The following EIF3C variants were observed in gnomAD, a reference collection of about 807,000 sequenced individuals.
EIF3C encodes cell migration-inducing protein 17.
A neutral mutation model predicts 11.1 loss-of-function variants in EIF3C; 2 were observed. That is an observed-to-expected ratio of 0.18 (90% CI 0.07 to 0.57). The LOEUF (loss-of-function observed/expected upper bound fraction) is 0.57, where lower values mean the gene tolerates loss of function less well. Ranked by LOEUF, EIF3C falls within the 20% of genes least tolerant of loss-of-function variation. EIF3C has a pLI of 0.92. For missense variants in EIF3C, 16 were observed against 114.6 expected, an observed-to-expected ratio of 0.14 and a Z score of 3.93; for synonymous variants, 2 against 41.5, an observed-to-expected ratio of 0.05 and a Z score of 3.66.
At chr16:28,692,582 A>C in intron 1 of EIF3C, among the ~76,000 whole-genome samples, 1 of 135,778 alleles carries the variant, frequency 7.4e-6, no homozygotes, top group Non-Finnish European at 1.6e-5. Context: ...ACATGGTGAA[A>C]CCCCGTCTCT....
chr16:28,697,896 G>C (rs1376334012), intron 1 of EIF3C, among the ~76,000 whole-genome samples: 2,435 of 45,044 alleles, frequency 0.054, 4 homozygotes, highest in South Asian at 0.11. Flanking sequence ...CCTCCCGGAC[G>C]GGGCGGCTGG....
intron 1 of EIF3C, among the ~76,000 whole-genome samples, chr16:28,699,991 C>T (rs866294759): frequency 0.1 from 3,471 of 33,922 alleles, 70 homozygotes; most frequent in African/African-American, 0.41. Flanking sequence ...CTCTACCTGG[C>T]GGACCAGCCT....
chr16:28,729,833 G>C (rs541688666), intron 15 of EIF3C, among the ~76,000 whole-genome samples: 5 of 149,414 alleles, frequency 3.3e-5, no homozygotes, highest in African/African-American at 1.2e-4. Context: ...AGTGGTGCAC[G>C]CCTGTAGTCC....
At position 28,689,334 on chromosome 16, in the gene EIF3C, C is replaced by T. The variant is rs1422692662; in HGVS notation, c.-31+506C>T. Among the ~76,000 whole-genome samples, 6 of 46,816 alleles carry T rather than the reference C, an allele frequency of 1.3e-4. 3 individuals carry two copies. The highest frequency in any genetic ancestry group is 3.6e-4 in the African/African-American group (2 of 5,616). 30.7% of individuals were successfully genotyped at this position (46,816 alleles called of 152,430 possible). A position where few individuals can be genotyped will look rare whatever the true frequency, so the allele number is the denominator to read the frequency against. On this transcript the variant is annotated intron_variant, in intron 1 of 20. Coordinates refer to the EIF3C transcript ENST00000566501. Reference sequence around the variant, plus strand: ...TGGTTTCCGCCTTGTGAGTGGATCCCGATCGATGTAGCATTATTACAAGAG... The same window carrying T: ...TGGTTTCCGCCTTGTGAGTGGATCCTGATCGATGTAGCATTATTACAAGAG...
chr16:28,697,181 A>T (rs1596702731), intron 1 of EIF3C, among the ~76,000 whole-genome samples: 1 of 18,878 alleles, frequency 5.3e-5, no homozygotes. Context: ...ACTTTATTTG[A>T]GTTTTTTTTT....
At chr16:28,698,677 G>A (rs1387452134) in intron 1 of EIF3C, among the ~76,000 whole-genome samples, 1 of 67,018 alleles carries the variant, frequency 1.5e-5, no homozygotes, top group Non-Finnish European at 2.5e-5. Flanking sequence ...CTTCTCAGAC[G>A]GGGCAGCTGC....
chr16:28,692,674 G>A (rs1336522855), intron 1 of EIF3C, among the ~76,000 whole-genome samples: 79 of 136,352 alleles, frequency 5.8e-4, no homozygotes, highest in South Asian at 1.8e-3. Flanking sequence ...CAGGAGAATC[G>A]CTTGAACCTG....
At chr16:28,698,394 A>G (rs1208356620) in intron 1 of EIF3C, among the ~76,000 whole-genome samples, 1 of 80,636 alleles carries the variant, frequency 1.2e-5, no homozygotes, top group Non-Finnish European at 2.3e-5. Flanking sequence ...TGACCCTCCC[A>G]CCTCCCTCCC....
upstream of EIF3C, among the ~76,000 whole-genome samples, chr16:28,710,153 G>A (rs1399305023): frequency 6.7e-6 from 1 of 148,866 alleles, no homozygotes; most frequent in South Asian, 2.2e-4. Context: ...CATGCCAGGC[G>A]AATTTTTGTA....
At chr16:28,697,818 G>T (rs1189052656) in intron 1 of EIF3C, among the ~76,000 whole-genome samples, 1 of 95,448 alleles carries the variant, frequency 1.0e-5, no homozygotes, top group African/African-American at 6.4e-5. Context: ...CGGGCAGGGG[G>T]GCTGACCCCC....
In EIF3C at chr16:28,700,603, G is replaced by T; in HGVS notation, c.-30-11054G>T. On this transcript the variant is annotated intron_variant, in intron 1 of 20. Transcript: ENST00000566501. The stretch of plus-strand genomic sequence containing the variant: ...CTCCTGCTCCACCTGCTTTCTAGAC[G>T]CGCAGCTTGGCGCAGCCCCGCACAG... The T allele has an allele frequency of 1.5e-5, 4 of 258,890 alleles. 1 individual carries two copies. The highest frequency in any genetic ancestry group is 2.8e-5 in the Non-Finnish European group (4 of 141,408). The allele number at this position is 258,890 out of a possible 1,614,324, so 16.0% of individuals were successfully genotyped here.
intron 1 of EIF3C, among the ~76,000 whole-genome samples, chr16:28,698,588 T>A (rs1256387254): frequency 1.1e-5 from 1 of 92,548 alleles, no homozygotes; most frequent in Non-Finnish European, 1.9e-5. Context: ...CGCTCCTCAC[T>A]TCCCAGATGG....
intron 15 of EIF3C, among the ~76,000 whole-genome samples, chr16:28,729,954 C>T (rs1175099531): frequency 2.7e-5 from 4 of 150,420 alleles, no homozygotes; most frequent in African/African-American, 9.8e-5. Context: ...GCAAGACTGT[C>T]TCAAAAAGAA....
In EIF3C at chr16:28,691,181, AT is replaced by A. The variant is rs1163918693; in HGVS notation, c.-31+2354del. On this transcript the variant is annotated intron_variant, in intron 1 of 20. Coordinates refer to the EIF3C transcript ENST00000566501. ...CAGAGCAAGACTCCGTCTCAAAAAA[AT>A]ATATATATATATAATATATATATTA... Among the ~76,000 whole-genome samples the A allele has an allele frequency of 1.8e-4, 7 of 39,706 alleles. 3 individuals are homozygous for A. The highest frequency in any genetic ancestry group is 9.9e-4 in the African/African-American group (4 of 4,058). 26.0% of individuals were successfully genotyped at this position (39,706 alleles called of 152,430 possible).
rs574170044 is a variant in EIF3C, at chr16:28,696,964, C to CT, written c.-31+8153dup. On this transcript the variant is annotated intron_variant, in intron 1 of 20. Coordinates refer to the EIF3C transcript ENST00000566501. ...TTTTTTATAGCATGCACACTACTAT[C>CT]TTTTTTTTTTTTTTTTTGAGACAGA... 1.6e-3 allele frequency among the ~76,000 whole-genome samples: 64 copies of CT among 41,264 alleles called. 14 individuals are homozygous for CT. Among genetic ancestry groups the CT allele is most frequent in the African/African-American group, 1.9e-3 (9 of 4,836 alleles). 27.1% of individuals were successfully genotyped at this position (41,264 alleles called of 152,430 possible). A position where few individuals can be genotyped will look rare whatever the true frequency, so the allele number is the denominator to read the frequency against.
intron 15 of EIF3C, among the ~76,000 whole-genome samples, chr16:28,728,521 G>GGTGTGTGTGTGTGT (rs56292996): frequency 3.4e-5 from 3 of 87,008 alleles, no homozygotes; most frequent in African/African-American, 1.0e-4. Context: ...ATCTTTTAGG[G>GGTGTGTGTGTGTGT]GTGTGTGTGT....
intron 2 of EIF3C, among the ~76,000 whole-genome samples, chr16:28,712,867 A>G (rs2048315528): frequency 6.7e-6 from 1 of 148,678 alleles, no homozygotes; most frequent in Non-Finnish European, 1.5e-5. Context: ...TTGTGGTGGC[A>G]CATGCCTGTA....
chr16:28,697,111 T>A (rs1379280153), intron 1 of EIF3C, among the ~76,000 whole-genome samples: 1 of 27,806 alleles, frequency 3.6e-5, no homozygotes, highest in Non-Finnish European at 5.8e-5. Context: ...ATTACAGGCA[T>A]GCGCCACCAC....
intron 1 of EIF3C, among the ~76,000 whole-genome samples, chr16:28,697,826 C>T (rs577895352): frequency 0.023 from 2,011 of 89,180 alleles, 8 homozygotes; most frequent in African/African-American, 0.15. Context: ...GGGGCTGACC[C>T]CCCCCACCTC....
Sources: gnomAD v4.1 joint callset for allele counts (sites outside exome capture counted in the v4.1 genomes callset) on GRCh38, gnomAD v4.1.1 for gene constraint, MANE v1.5 for transcripts, NCBI Gene and HGNC (gene_info 2026-07-23, HGNC 2026-07-21) for gene names.